Variants in GLCCI1 observed in about 807,000 individuals in gnomAD.
GLCCI1 encodes glucocorticoid induced 1.
Under a neutral mutation model 52.2 loss-of-function variants are expected in GLCCI1, and 24 were observed. The observed-to-expected ratio is 0.46, with a 90% confidence interval of 0.33 to 0.65. GLCCI1 has a LOEUF of 0.65. GLCCI1 is among the 30% of genes least tolerant of loss of function. The probability of loss-of-function intolerance (pLI) is 0.02; values close to 1 mark genes in which losing one functional copy is unlikely to be tolerated. For synonymous variants in GLCCI1, 310 were observed against 276.5 expected (o/e 1.12, Z -1.20); for missense variants, 704 against 701.5 (o/e 1.00, Z -0.04).
chr7:8,046,925 T>G (rs1782141953), intron 3 of GLCCI1, among the ~76,000 whole-genome samples: 1 of 152,106 alleles, frequency 6.6e-6, no homozygotes, highest in East Asian at 1.9e-4. Flanking sequence ...TTCCCAAGGT[T>G]GAAAATTTGT....
At chr7:8,034,808 T>G (rs887578322) in intron 3 of GLCCI1, among the ~76,000 whole-genome samples, 4 of 152,176 alleles carry the variant, frequency 2.6e-5, no homozygotes, top group Admixed American at 2.0e-4. Flanking sequence ...TGGAAGTGTT[T>G]TGGGCTCCCC....
intron 5 of GLCCI1, among the ~76,000 whole-genome samples, chr7:8,069,615 A>G (rs1461203873): frequency 6.6e-6 from 1 of 152,082 alleles, no homozygotes; most frequent in Non-Finnish European, 1.5e-5. Flanking sequence ...TATGGTGAGT[A>G]TGTCATGCTA....
intron 1 of GLCCI1, chr7:7,980,814 G>A (rs553632652): frequency 6.2e-5 from 43 of 692,272 alleles, no homozygotes; most frequent in Middle Eastern, 5.8e-4. Context: ...GAAAATAAAT[G>A]AGACCTTTGT....
chr7:8,053,558 C>T (rs980105509), intron 3 of GLCCI1, among the ~76,000 whole-genome samples: 2 of 150,124 alleles, frequency 1.3e-5, no homozygotes, highest in South Asian at 2.1e-4. Context: ...TGGTCTTCAA[C>T]TGCTGATCCA....
At chr7:8,005,282 T>A (rs919061095) in intron 2 of GLCCI1, among the ~76,000 whole-genome samples, 9 of 151,886 alleles carry the variant, frequency 5.9e-5, no homozygotes, top group Admixed American at 2.0e-4. Flanking sequence ...GAAAAAAATT[T>A]AAAAAAATGT....
At chr7:8,042,273 C>T (rs780564466) in intron 3 of GLCCI1, among the ~76,000 whole-genome samples, 2 of 152,198 alleles carry the variant, frequency 1.3e-5, no homozygotes, top group Non-Finnish European at 2.9e-5. Flanking sequence ...GTAAGGCTTA[C>T]AGGTACCATA....
chr7:8,049,072 A>C (rs930901039), intron 3 of GLCCI1, among the ~76,000 whole-genome samples: 3 of 152,234 alleles, frequency 2.0e-5, no homozygotes, highest in African/African-American at 7.2e-5. Context: ...AAGAAGAATA[A>C]AATCACATGT....
intron 6 of GLCCI1, among the ~76,000 whole-genome samples, chr7:8,076,834 AT>A (rs142286377): frequency 3.3e-5 from 5 of 151,978 alleles, no homozygotes; most frequent in African/African-American, 1.2e-4. Flanking sequence ...CTTAATGGAG[AT>A]TTTTTTGAGT....
rs752689788 is a variant in GLCCI1, at chr7:7,995,900, T to TA, written c.458-8000dup. ...ATATACCCTAGAACTTAAAGTATAA[T>TA]AAAAAAAATAAAATAAATTTTAAGT... On this transcript the variant is annotated intron_variant, in intron 1 of 7. Coordinates refer to ENST00000223145, the MANE Select transcript of GLCCI1 (RefSeq NM_138426.4). Among the ~76,000 whole-genome samples, 140 of 150,728 alleles carry TA rather than the reference T, an allele frequency of 9.3e-4. 1 individual carries two copies. The highest frequency in any genetic ancestry group is 3.1e-3 in the African/African-American group (129 of 41,030).
chr7:7,997,601 C>A (rs1780959178), intron 1 of GLCCI1, among the ~76,000 whole-genome samples: 1 of 152,048 alleles, frequency 6.6e-6, no homozygotes, highest in African/African-American at 2.4e-5. Flanking sequence ...ATGAAAAACT[C>A]ACTGACTACC....
intron 6 of GLCCI1, among the ~76,000 whole-genome samples, chr7:8,072,088 G>A (rs35719932): frequency 0.07 from 10,572 of 152,100 alleles, 512 homozygotes; most frequent in Non-Finnish European, 0.11. Context: ...AGATATAGAA[G>A]ATTTTTATTA....
intron 6 of GLCCI1, among the ~76,000 whole-genome samples, chr7:8,081,076 A>G (rs1396634946): frequency 1.3e-5 from 2 of 152,130 alleles, no homozygotes; most frequent in Admixed American, 6.6e-5. Context: ...ACCCTATGCC[A>G]TGCACCTAGG....
intron 1 of GLCCI1, among the ~76,000 whole-genome samples, chr7:7,993,889 A>G (rs2115418529): frequency 6.6e-6 from 1 of 152,220 alleles, no homozygotes; most frequent in East Asian, 1.9e-4. Flanking sequence ...ATAAGTCCAA[A>G]TGCTTCTTGA....
At chr7:8,048,630 C>T (rs1782188583) in intron 3 of GLCCI1, among the ~76,000 whole-genome samples, 1 of 152,062 alleles carries the variant, frequency 6.6e-6, no homozygotes, top group Admixed American at 6.6e-5. Context: ...AGTATACTGT[C>T]TTAGGTATTA....
chr7:8,006,824 A>C lies in GLCCI1; in HGVS notation c.609+2765A>C, dbSNP rs113869304. ...CCCACCTCGTCTGAGCCTAAGTCCC[A>C]TTCTCTTCCTACCCTACAATCTATT... On this transcript the variant is annotated intron_variant, in intron 2 of 7. Transcript: ENST00000223145. Among the ~76,000 whole-genome samples, 337 of 152,292 alleles carry C rather than the reference A, an allele frequency of 2.2e-3. 1 individual carries two copies. The highest frequency in any genetic ancestry group is 7.4e-3 in the African/African-American group (306 of 41,546).
At chr7:8,007,701 C>G (rs1434272208) in intron 2 of GLCCI1, among the ~76,000 whole-genome samples, 2 of 152,200 alleles carry the variant, frequency 1.3e-5, no homozygotes. Context: ...CAGCTTGCTA[C>G]AGACATTAAA....
intron 3 of GLCCI1, among the ~76,000 whole-genome samples, chr7:8,023,223 G>T (rs914277681): frequency 2.6e-5 from 4 of 152,108 alleles, no homozygotes; most frequent in African/African-American, 7.2e-5. Flanking sequence ...CACTGTGTTA[G>T]CCAGGATGGT....
At chr7:7,993,993 C>T (rs542977024) in intron 1 of GLCCI1, among the ~76,000 whole-genome samples, 7 of 152,184 alleles carry the variant, frequency 4.6e-5, no homozygotes, top group East Asian at 3.9e-4. Context: ...TCTGTATTGT[C>T]CTTGAATCTT....
intron 3 of GLCCI1, among the ~76,000 whole-genome samples, chr7:8,053,323 T>TGTTTG (rs1554262339): frequency 1.5e-5 from 2 of 136,170 alleles, no homozygotes; most frequent in South Asian, 2.3e-4. Context: ...TCGTTTTTTT[T>TGTTTG]TTTGTTTGTT....
Sources: allele counts gnomAD v4.1 joint callset (sites outside exome capture counted in the v4.1 genomes callset), GRCh38; gene constraint gnomAD v4.1.1; transcripts MANE v1.5; gene names NCBI Gene and HGNC (gene_info 2026-07-23, HGNC 2026-07-21).